The following RCAN2 variants were observed in gnomAD, a reference collection of about 807,000 sequenced individuals.
The protein encoded by RCAN2 is calcipressin-2.
Under a neutral mutation model 23.6 loss-of-function variants are expected in RCAN2, and 9 were observed. The observed-to-expected ratio is 0.38, with a 90% CI of 0.23 to 0.67. RCAN2 has a LOEUF of 0.67. Among genes scored for constraint, RCAN2 ranks in the 30% least tolerant of loss-of-function variants. RCAN2 has a pLI of 0.51. For synonymous variants in RCAN2, 109 were observed against 115.7 expected (o/e 0.94, Z 0.37); for missense variants, 273 against 302.3 (o/e 0.90, Z 0.72).
chr6:46,243,217 T>G (rs1256969456), intron 4 of RCAN2, among the ~76,000 whole-genome samples: 1 of 152,088 alleles, frequency 6.6e-6, no homozygotes. Flanking sequence ...TATTTTCAAC[T>G]CAATTGTTGG....
chr6:46,395,991 T>C (rs777899587), intron 2 of RCAN2, among the ~76,000 whole-genome samples: 1 of 152,176 alleles, frequency 6.6e-6, no homozygotes, highest in Non-Finnish European at 1.5e-5. Context: ...ACACATTTCC[T>C]AGAACATATT....
chr6:46,368,473 T>A (rs1368051746), intron 2 of RCAN2, among the ~76,000 whole-genome samples: 2 of 152,154 alleles, frequency 1.3e-5, no homozygotes, highest in African/African-American at 4.8e-5. Context: ...TCCTGAGAAA[T>A]AGGCAATTTT....
At chr6:46,335,890 A>T (rs1283334018) in intron 2 of RCAN2, among the ~76,000 whole-genome samples, 18 of 152,216 alleles carry the variant, frequency 1.2e-4, no homozygotes, top group Admixed American at 1.2e-3. Flanking sequence ...AACTTTGTGA[A>T]GGAACTCTGT....
chr6:46,243,115 G>A (rs1191839512), intron 4 of RCAN2, among the ~76,000 whole-genome samples: 1 of 152,188 alleles, frequency 6.6e-6, no homozygotes, highest in African/African-American at 2.4e-5. Flanking sequence ...GGGCAGAGAC[G>A]CGATGTGGGG....
At chr6:46,432,820 C>T (rs915218997) in intron 2 of RCAN2, among the ~76,000 whole-genome samples, 1 of 152,092 alleles carries the variant, frequency 6.6e-6, no homozygotes, top group Non-Finnish European at 1.5e-5. Flanking sequence ...TATGTGACCT[C>T]GTGGCACAAT....
At chr6:46,391,745 C>A (rs1434475287) in intron 2 of RCAN2, among the ~76,000 whole-genome samples, 1 of 152,060 alleles carries the variant, frequency 6.6e-6, no homozygotes, top group African/African-American at 2.4e-5. Flanking sequence ...CCATTCTCTA[C>A]TATTGATTAG....
At chr6:46,446,761 TA>T (rs1412205042) in intron 2 of RCAN2, among the ~76,000 whole-genome samples, 1 of 152,114 alleles carries the variant, frequency 6.6e-6, no homozygotes. Context: ...ATTGTCAGCA[TA>T]AAAAAGTCTA....
intron 2 of RCAN2, among the ~76,000 whole-genome samples, chr6:46,404,539 A>G (rs759573848): frequency 3.3e-5 from 5 of 152,240 alleles, no homozygotes; most frequent in Non-Finnish European, 5.9e-5. Flanking sequence ...GTGGGTTTGA[A>G]CAAAAATTAT....
chr6:46,407,858 A>G (rs555191481), intron 2 of RCAN2, among the ~76,000 whole-genome samples: 3 of 152,350 alleles, frequency 2.0e-5, no homozygotes, highest in South Asian at 4.1e-4. Flanking sequence ...GAAAGAGTAA[A>G]AAGAAAAAGA....
intron 2 of RCAN2, among the ~76,000 whole-genome samples, chr6:46,399,029 G>C (rs1298031971): frequency 6.6e-6 from 1 of 151,832 alleles, no homozygotes; most frequent in Non-Finnish European, 1.5e-5. Context: ...AAATCAACTG[G>C]AGTCGACAAC....
At chr6:46,440,835 C>T (rs1248273627) in intron 2 of RCAN2, among the ~76,000 whole-genome samples, 1 of 152,180 alleles carries the variant, frequency 6.6e-6, no homozygotes, top group East Asian at 1.9e-4. Context: ...TCACGTGAAC[C>T]TTATATGGGA....
chr6:46,397,278 G>C (rs1033678252), intron 2 of RCAN2, among the ~76,000 whole-genome samples: 2 of 151,920 alleles, frequency 1.3e-5, no homozygotes, highest in Admixed American at 6.6e-5. Flanking sequence ...GGGTACCATA[G>C]GGGAGTTCCC....
chr6:46,375,551 T>G (rs920473147), intron 2 of RCAN2, among the ~76,000 whole-genome samples: 1 of 152,240 alleles, frequency 6.6e-6, no homozygotes, highest in African/African-American at 2.4e-5. Context: ...TTTATCTTTC[T>G]GAAATTTTTC....
chr6:46,463,033 A>G (rs1255350225), intron 1 of RCAN2, among the ~76,000 whole-genome samples: 3 of 152,194 alleles, frequency 2.0e-5, no homozygotes, highest in Non-Finnish European at 4.4e-5. Context: ...GGAGATGCTT[A>G]TAATAGTTTT....
chr6:46,395,159 A>C (rs1766051381), intron 2 of RCAN2, among the ~76,000 whole-genome samples: 1 of 152,180 alleles, frequency 6.6e-6, no homozygotes, highest in South Asian at 2.1e-4. Context: ...GTAGAAGATG[A>C]ATATCCAAGT....
intron 2 of RCAN2, among the ~76,000 whole-genome samples, chr6:46,449,597 A>C (rs1008890268): frequency 1.3e-5 from 2 of 151,804 alleles, no homozygotes; most frequent in African/African-American, 4.8e-5. Flanking sequence ...AGTAATCAAA[A>C]CAGCATGGTA....
chr6:46,294,838 G>C (rs772463612), intron 2 of RCAN2, among the ~76,000 whole-genome samples: 11 of 152,084 alleles, frequency 7.2e-5, no homozygotes, highest in Admixed American at 6.6e-5. Context: ...ATTGTCCAAG[G>C]CTTAAGAAAA....
chr6:46,483,799 T>G (rs935336005), intron 1 of RCAN2, among the ~76,000 whole-genome samples: 1 of 152,254 alleles, frequency 6.6e-6, no homozygotes, highest in South Asian at 2.1e-4. Context: ...GTTGCTTGTA[T>G]GTCATAAAAG....
chr6:46,448,264 C>T (rs1189132560), intron 2 of RCAN2, among the ~76,000 whole-genome samples: 4 of 151,564 alleles, frequency 2.6e-5, no homozygotes, highest in Admixed American at 2.6e-4. Flanking sequence ...AGACGTAAAA[C>T]CTACGAAGAC....
Sources: gnomAD v4.1 joint callset for allele counts (sites outside exome capture counted in the v4.1 genomes callset) on GRCh38, gnomAD v4.1.1 for gene constraint, MANE v1.5 for transcripts, NCBI Gene and HGNC (gene_info 2026-07-23, HGNC 2026-07-21) for gene names.